ZC3H12D: variants seen among roughly 807,000 people sequenced by gnomAD.
ZC3H12D encodes probable ribonuclease ZC3H12D.
In ZC3H12D, 11 loss-of-function variants were observed where a neutral mutation model predicts 24.2. That is an observed-to-expected ratio of 0.46 (90% CI 0.29 to 0.75). The LOEUF (loss-of-function observed/expected upper bound fraction) is 0.75. Ranked by LOEUF, ZC3H12D falls within the 30% of genes least tolerant of loss-of-function variation. ZC3H12D has a pLI of 0.11. For missense variants in ZC3H12D, 740 were observed against 767.7 expected, an observed-to-expected ratio of 0.96 and a Z score of 0.43; for synonymous variants, 333 against 341.8, an observed-to-expected ratio of 0.97 and a Z score of 0.28.
rs1775990532 is a variant in ZC3H12D at position 149,456,805 on chromosome 6, G to T, written c.541C>A (p.Arg181Ser). ...HGKRLVCYDDRYIVKVAYEQD... is the reference protein window; with the variant it reads ...HGKRLVCYDDSYIVKVAYEQD... Reference sequence around the variant, plus strand: ...TCGTAGGCCACCTTCACGATGTAGCGGTCGTCGTAGCAGACCAGGCGCTTG... The same window carrying T: ...TCGTAGGCCACCTTCACGATGTAGCTGTCGTCGTAGCAGACCAGGCGCTTG... Residue 181 changes from arginine (R) to serine (S), a missense_variant, in exon 4 of 6, where the codon CGC (arginine) becomes AGC (serine). Arg to Ser is a moderately radical substitution (Grantham distance 110, BLOSUM62 -1). Coordinates refer to ENST00000409806, the MANE Select transcript of ZC3H12D (RefSeq NM_207360.3). This position sits in a 1 kb window ranked among gnomAD's most constrained non-coding sequence, Gnocchi z 4.3. 6.2e-7 allele frequency: 1 copy of T among 1,613,130 alleles called. No homozygotes were observed. The highest frequency in any genetic ancestry group is 1.3e-5 in the African/African-American group (1 of 74,930).
chr6:149,461,556 C>T (rs922545423), intron 3 of ZC3H12D: 1 of 239,360 alleles, frequency 4.2e-6, no homozygotes, highest in African/African-American at 2.3e-5. Flanking sequence ...ACTTAACACA[C>T]CAAAAGAGTA....
chr6:149,476,464 A>G (rs962276404), intron 1 of ZC3H12D, among the ~76,000 whole-genome samples: 1 of 152,052 alleles, frequency 6.6e-6, no homozygotes, highest in African/African-American at 2.4e-5. Context: ...AGATCGTGCT[A>G]CTGCACTCCA....
intron 2 of ZC3H12D, among the ~76,000 whole-genome samples, chr6:149,469,922 G>A (rs1282570756): frequency 6.6e-6 from 1 of 152,184 alleles, no homozygotes; most frequent in Non-Finnish European, 1.5e-5. Context: ...TAGGCCGGGG[G>A]AGAGCAGAAG....
chr6:149,452,711 G>C lies in ZC3H12D; in HGVS notation c.692C>G (p.Pro231Arg). ...TCCATGGCGGCCCAGGGGGTCATCA[G>C]GCGGCATGAACCTGGAAAATAAGCA... ...FSFVNDRFMP[P>R]DDPLGRHGPS... Residue 231 changes from proline (P) to arginine (R), a missense_variant, in exon 5 of 6, where the codon CCT becomes CGT. Coordinates refer to ENST00000409806, the MANE Select transcript of ZC3H12D (RefSeq NM_207360.3). This position sits in a 1 kb window ranked among gnomAD's most constrained non-coding sequence, Gnocchi z 4.0. 1 of 1,603,406 alleles carries C rather than the reference G, an allele frequency of 6.2e-7. No homozygotes were observed. The highest frequency in any genetic ancestry group is 8.5e-7 in the Non-Finnish European group (1 of 1,176,142).
Position 149,456,853 on chromosome 6 carries a change from T to G in ZC3H12D, c.493A>C (p.Thr165Pro). The G allele has an allele frequency of 2.5e-6, 4 of 1,608,318 alleles. No individual in the cohort carries two copies. Among genetic ancestry groups the G allele is most frequent in the Non-Finnish European group, 3.4e-6 (4 of 1,179,618 alleles). ...TTGCCGTGCACCTTGCGGGACGGCG[T>G]GTACACCAGCACCGCCTGCCGCTCC... Reference protein sequence around the residue: ...ELERQAVLVYTPSRKVHGKRL... With the variant: ...ELERQAVLVYPPSRKVHGKRL... Residue 165 changes from threonine to proline, a missense_variant, in exon 4 of 6, where the codon ACG becomes CCG. Physicochemically the swap from Thr to Pro is conservative, Grantham distance 38. Coordinates refer to ENST00000409806, the MANE Select transcript of ZC3H12D (RefSeq NM_207360.3). The surrounding 1 kb of genome is among the most constrained non-coding windows in gnomAD (Gnocchi z 4.3).
chr6:149,449,926 T>TGCGC lies in ZC3H12D; in HGVS notation c.*756_*757insGCGC, dbSNP rs34037220. 49 of 27,938 alleles carry TGCGC rather than the reference T, an allele frequency of 1.8e-3. No individual in the cohort carries two copies. Among genetic ancestry groups the TGCGC allele is most frequent in the African/African-American group, 9.5e-3 (36 of 3,788 alleles). The allele number at this position is 27,938 out of a possible 1,614,324, so 1.7% of individuals were successfully genotyped here. ...GTGAGTATGTACATGTATGATAGAC[T>TGCGC]GTGTGTGTGTGTGTGTGTGTGTGTG... On this transcript the variant is annotated 3_prime_UTR_variant, in exon 6 of 6. Transcript: ENST00000409806.
At chr6:149,476,963 T>G (rs573179278) in intron 1 of ZC3H12D, among the ~76,000 whole-genome samples, 1 of 152,366 alleles carries the variant, frequency 6.6e-6, no homozygotes, top group South Asian at 2.1e-4. Flanking sequence ...AATGAATGAA[T>G]GAATGAATGA....
chr6:149,466,242 G>A (rs431362), intron 2 of ZC3H12D, among the ~76,000 whole-genome samples: 54,176 of 151,166 alleles, frequency 0.36, 10,242 homozygotes, highest in African/African-American at 0.46. Context: ...CCCCTTTTCC[G>A]GCCAATATCA....
Position 149,456,922 on chromosome 6 carries a change from C to T in ZC3H12D, c.446-22G>A. ...TGCTCTGAGGGCGGGGCGACGGAGA[C>T]GCGGGTGAGGGCCCAAGGGCACCGC... On this transcript the variant is annotated intron_variant, in intron 3 of 5. Coordinates refer to ENST00000409806, the MANE Select transcript of ZC3H12D (RefSeq NM_207360.3). This position sits in a 1 kb window ranked among gnomAD's most constrained non-coding sequence, Gnocchi z 4.3. 6.3e-7 allele frequency: 1 copy of T among 1,586,682 alleles called. No homozygotes were observed. The highest frequency in any genetic ancestry group is 8.5e-7 in the Non-Finnish European group (1 of 1,169,972).
intron 1 of ZC3H12D, among the ~76,000 whole-genome samples, chr6:149,479,831 C>A (rs1444925830): frequency 6.6e-6 from 1 of 152,096 alleles, no homozygotes; most frequent in Non-Finnish European, 1.5e-5. Context: ...TGCCACCATG[C>A]CCTAATAGAT....
At chr6:149,455,491 G>T (rs1182823837) in intron 4 of ZC3H12D, among the ~76,000 whole-genome samples, 1 of 152,236 alleles carries the variant, frequency 6.6e-6, no homozygotes, top group Non-Finnish European at 1.5e-5. Context: ...CAACAGCCCA[G>T]CTGGCTGTGC....
chr6:149,482,042 A>G (rs887836139), intron 1 of ZC3H12D, among the ~76,000 whole-genome samples: 2 of 152,238 alleles, frequency 1.3e-5, no homozygotes, highest in African/African-American at 4.8e-5. Context: ...CCAGGGCCGA[A>G]GTAAGGGGCA....
rs1196962386 is a variant in ZC3H12D at position 149,452,763 on chromosome 6, AT to A, written c.681-42del. 3 of 1,525,388 alleles carry A rather than the reference AT, an allele frequency of 2.0e-6. No individual in the cohort carries two copies. The highest frequency in any genetic ancestry group is 2.7e-6 in the Non-Finnish European group (3 of 1,129,206). The allele number at this position is 1,525,388 out of a possible 1,614,324, so 94.5% of individuals were successfully genotyped here. The stretch of plus-strand genomic sequence containing the variant: ...AGGGGCAACTGCAAGACCACCTGGG[AT>A]TTGCCACCAGCACCTGTACAAAGGG... On this transcript the variant is annotated intron_variant, in intron 4 of 5. Transcript: ENST00000409806. This position sits in a 1 kb window ranked among gnomAD's most constrained non-coding sequence, Gnocchi z 4.0.
chr6:149,451,508 G>A (rs745409641), intron 5 of ZC3H12D, 29 bp from the exon 6 acceptor site: 13 of 1,542,186 alleles, frequency 8.4e-6, no homozygotes, highest in Middle Eastern at 2.3e-4. Context: ...GAGAGGGCGC[G>A]ACGTGAGGCC....
At chr6:149,481,789 A>T (rs1004996408) in intron 1 of ZC3H12D, among the ~76,000 whole-genome samples, 14 of 152,208 alleles carry the variant, frequency 9.2e-5, no homozygotes, top group African/African-American at 3.4e-4. Flanking sequence ...TAAAGGCTGC[A>T]TGGCTAGTAA....
At chr6:149,464,709 G>A (rs906698567) in intron 2 of ZC3H12D, among the ~76,000 whole-genome samples, 4 of 152,188 alleles carry the variant, frequency 2.6e-5, no homozygotes, top group African/African-American at 9.7e-5. Flanking sequence ...TTGAATAAAC[G>A]AATGGCTGAG....
chr6:149,477,287 CT>C (rs1776356951), intron 1 of ZC3H12D, among the ~76,000 whole-genome samples: 1 of 152,266 alleles, frequency 6.6e-6, no homozygotes, highest in African/African-American at 2.4e-5. Context: ...AGCCAGCCCC[CT>C]GGACAGAGAG....
In ZC3H12D at chr6:149,474,491, T is replaced by A; in HGVS notation, c.53A>T (p.Glu18Val). ...EFFQKLGYDR[E>V]DVLRVLGKLG... ...CTTGCCCAACACCCGGAGCACATCC[T>A]CCCGGTCATAGCCCAGCTTCTGGAA... is the stretch of plus-strand genomic sequence containing the variant. The change falls in exon 2 of 6, where the codon GAG (glutamate) becomes GTG (valine). Residue 18 changes from glutamate (E) to valine (V), a missense_variant. By Grantham distance (121) the Glu-to-Val change is moderately radical. Coordinates refer to ENST00000409806, the MANE Select transcript of ZC3H12D (RefSeq NM_207360.3). 6.4e-7 allele frequency: 1 copy of A among 1,566,790 alleles called. No individual in the cohort carries two copies. Among genetic ancestry groups the A allele is most frequent in the Non-Finnish European group, 8.7e-7 (1 of 1,149,262 alleles).
In ZC3H12D at chr6:149,448,123, A is replaced by C. The variant is rs2114998723; in HGVS notation, c.*2560T>G. On this transcript the variant is annotated 3_prime_UTR_variant, in exon 6 of 6. Coordinates refer to ENST00000409806, the MANE Select transcript of ZC3H12D (RefSeq NM_207360.3). ...GCTAACACGGTGAAACCCCATCTCTACTAAAAATACAAAAAGTTAGCCAGA... is the reference window on the plus strand; with the variant it reads ...GCTAACACGGTGAAACCCCATCTCTCCTAAAAATACAAAAAGTTAGCCAGA... 3 of 152,304 alleles carry C rather than the reference A, an allele frequency of 2.0e-5. No homozygotes were observed. The South Asian group carries it at 6.2e-4, about 32-fold the overall frequency. The allele number at this position is 152,304 out of a possible 1,614,324, so 9.4% of individuals were successfully genotyped here.
Sources: gnomAD v4.1 joint callset for allele counts (sites outside exome capture counted in the v4.1 genomes callset) on GRCh38, gnomAD v4.1.1 for gene constraint, Gnocchi (gnomAD v3.1) non-coding constraint, MANE v1.5 for transcripts, NCBI Gene and HGNC (gene_info 2026-07-23, HGNC 2026-07-21) for gene names.